Variants in RAB11FIP4 observed in about 807,000 individuals in gnomAD.
The protein encoded by RAB11FIP4 is RAB11 family interacting protein 4.
In RAB11FIP4, 23 loss-of-function variants were observed where a neutral mutation model predicts 74.3. That is an observed-to-expected ratio of 0.31 (90% CI 0.22 to 0.44). RAB11FIP4 has a LOEUF of 0.44. Ranked by LOEUF, RAB11FIP4 falls within the 20% of genes least tolerant of loss-of-function variation. RAB11FIP4 has a pLI of 1.00. For synonymous variants in RAB11FIP4, 360 were observed against 359.9 expected, an observed-to-expected ratio of 1.00 and a Z score of 0.00; for missense variants, 630 against 863.9, an observed-to-expected ratio of 0.73 and a Z score of 3.39.
In RAB11FIP4 at chr17:31,512,175, C is replaced by T. The variant is rs2072463669; in HGVS notation, c.337-5476C>T. 1.3e-5 allele frequency among the ~76,000 whole-genome samples: 2 copies of T among 152,180 alleles called. No individual in the cohort carries two copies. The highest frequency in any genetic ancestry group is 2.1e-4 in the South Asian group (1 of 4,832). ...CGGGGACCCATGGCTGTAGGAATAG[C>T]TCACCCTCTGTTGCCTGTAGCCCCT... On this transcript the variant is annotated intron_variant, in intron 3 of 14. Transcript: ENST00000621161. This position sits in a 1 kb window ranked among gnomAD's most constrained non-coding sequence, Gnocchi z 4.1.
chr17:31,512,481 C>A lies in RAB11FIP4; in HGVS notation c.337-5170C>A, dbSNP rs1266168135. Among the ~76,000 whole-genome samples, 1 of 152,186 alleles carries A rather than the reference C, an allele frequency of 6.6e-6. No individual in the cohort carries two copies. Among genetic ancestry groups the A allele is most frequent in the African/African-American group, 2.4e-5 (1 of 41,456 alleles). ...CTGGGGCTTCTGGAGGAACACGCTGCTGCATCCGCTCTCTCCCTTCACCCC... is the reference window on the plus strand; with the variant it reads ...CTGGGGCTTCTGGAGGAACACGCTGATGCATCCGCTCTCTCCCTTCACCCC... On this transcript the variant is annotated intron_variant, in intron 3 of 14. Coordinates refer to ENST00000621161, the MANE Select transcript of RAB11FIP4 (RefSeq NM_032932.6). The surrounding 1 kb of genome is among the most constrained non-coding windows in gnomAD (Gnocchi z 4.1).
At chr17:31,406,362 CTG>C (rs1224636593) in intron 1 of RAB11FIP4, among the ~76,000 whole-genome samples, 1 of 152,214 alleles carries the variant, frequency 6.6e-6, no homozygotes, top group Admixed American at 6.5e-5. Context: ...GTCCTAGACA[CTG>C]TGTGGGTGGA....
At chr17:31,510,445 C>T (rs1422669838) in intron 3 of RAB11FIP4, among the ~76,000 whole-genome samples, 1 of 152,246 alleles carries the variant, frequency 6.6e-6, no homozygotes, top group African/African-American at 2.4e-5. Flanking sequence ...CATGTGCCCG[C>T]CCAAGCTATT....
At chr17:31,442,530 A>G (rs979178802) in intron 3 of RAB11FIP4, among the ~76,000 whole-genome samples, 1 of 152,236 alleles carries the variant, frequency 6.6e-6, no homozygotes, top group African/African-American at 2.4e-5. Context: ...CTGTTTTCAC[A>G]CTACAGTGGC....
intron 3 of RAB11FIP4, among the ~76,000 whole-genome samples, chr17:31,491,997 C>T (rs745334140): frequency 5.9e-5 from 9 of 152,176 alleles, no homozygotes. Context: ...GGCACGCCGG[C>T]GATGTGCATA....
chr17:31,409,293 G>A (rs9916658), intron 1 of RAB11FIP4, among the ~76,000 whole-genome samples: 1,537 of 152,244 alleles, frequency 0.01, 23 homozygotes, highest in African/African-American at 0.034. Context: ...TCTCCGCTCC[G>A]TTCTCCTTTT....
chr17:31,404,965 G>A (rs1158043770), intron 1 of RAB11FIP4, among the ~76,000 whole-genome samples: 1 of 152,156 alleles, frequency 6.6e-6, no homozygotes, highest in Non-Finnish European at 1.5e-5. Flanking sequence ...TGCAGGGGTG[G>A]AGGGGCTGAC....
chr17:31,505,501 A>ATTATATAT (rs1567681125), intron 3 of RAB11FIP4, among the ~76,000 whole-genome samples: 1 of 86,728 alleles, frequency 1.2e-5, no homozygotes, highest in Non-Finnish European at 2.1e-5. Flanking sequence ...TATAATTATT[A>ATTATATAT]TATTATATAT....
intron 1 of RAB11FIP4, among the ~76,000 whole-genome samples, chr17:31,396,140 C>T (rs2070926895): frequency 6.7e-6 from 1 of 148,626 alleles, no homozygotes; most frequent in Non-Finnish European, 1.5e-5. Flanking sequence ...GCTGAGATTA[C>T]ATCGCTGCAC....
At chr17:31,450,490 C>T (rs1042989814) in intron 3 of RAB11FIP4, among the ~76,000 whole-genome samples, 8 of 151,888 alleles carry the variant, frequency 5.3e-5, no homozygotes, top group African/African-American at 1.9e-4. Flanking sequence ...GATTATAGGA[C>T]GGCGCCATCA....
intron 3 of RAB11FIP4, among the ~76,000 whole-genome samples, chr17:31,463,628 C>T (rs570453412): frequency 6.6e-6 from 1 of 152,008 alleles, no homozygotes; most frequent in South Asian, 2.1e-4. Context: ...CTCAGCCTCC[C>T]GAGTAGCTGG....
chr17:31,430,230 CG>C (rs1567652932), intron 1 of RAB11FIP4, among the ~76,000 whole-genome samples: 1 of 151,914 alleles, frequency 6.6e-6, no homozygotes, highest in Admixed American at 6.6e-5. Flanking sequence ...TGGTGGTTTC[CG>C]TGAGGAGCTG....
intron 1 of RAB11FIP4, among the ~76,000 whole-genome samples, chr17:31,408,548 C>A (rs2071063326): frequency 6.6e-6 from 1 of 152,160 alleles, no homozygotes; most frequent in Non-Finnish European, 1.5e-5. Flanking sequence ...TCTAATCTCA[C>A]CACTGGTATG....
At position 31,472,484 on chromosome 17, in the gene RAB11FIP4, G is replaced by T. The variant is rs150395594; in HGVS notation, c.336+38362G>T. Among the ~76,000 whole-genome samples the T allele has an allele frequency of 1.1e-3, 169 of 152,288 alleles. 1 individual carries two copies. The highest frequency in any genetic ancestry group is 1.8e-3 in the Admixed American group (27 of 15,300). On this transcript the variant is annotated intron_variant, in intron 3 of 14. Transcript: ENST00000621161. ...CTCACCATCCCTGGTCCTCACAACC[G>T]GCCCAGGATGAATCCCAGCCGCACA... is the stretch of plus-strand genomic sequence containing the variant.
chr17:31,436,941 C>A (rs2151629714), intron 3 of RAB11FIP4, among the ~76,000 whole-genome samples: 1 of 152,050 alleles, frequency 6.6e-6, no homozygotes, highest in East Asian at 1.9e-4. Context: ...GTGCCCGCCA[C>A]CATGCCCAGC....
At chr17:31,527,964 T>C in intron 11 of RAB11FIP4, 41 bp downstream of exon 11, 1 of 1,480,222 alleles carries the variant, frequency 6.8e-7, no homozygotes, top group Admixed American at 2.0e-5. Context: ...GGGCTGGCCA[T>C]CGGGAGCCTT....
At chr17:31,491,782 T>C (rs570632474) in intron 3 of RAB11FIP4, among the ~76,000 whole-genome samples, 7 of 152,248 alleles carry the variant, frequency 4.6e-5, no homozygotes, top group Non-Finnish European at 1.0e-4. Flanking sequence ...CGAGCTGCCT[T>C]CCATTGCTCT....
At chr17:31,515,356 C>T (rs1458359300) in intron 3 of RAB11FIP4, among the ~76,000 whole-genome samples, 5 of 151,842 alleles carry the variant, frequency 3.3e-5, no homozygotes, top group Admixed American at 3.3e-4. Flanking sequence ...TCAGTCTCCA[C>T]AGTCTCTGCT....
chr17:31,482,085 C>G (rs1597943966), intron 3 of RAB11FIP4, among the ~76,000 whole-genome samples: 1 of 152,240 alleles, frequency 6.6e-6, no homozygotes, highest in Non-Finnish European at 1.5e-5. Context: ...GATGTGCTGT[C>G]CAGCTAAAAG....
Sources: gnomAD v4.1 joint callset for allele counts (sites outside exome capture counted in the v4.1 genomes callset) on GRCh38, gnomAD v4.1.1 for gene constraint, Gnocchi (gnomAD v3.1) non-coding constraint, MANE v1.5 for transcripts, NCBI Gene and HGNC (gene_info 2026-07-23, HGNC 2026-07-21) for gene names.